The following TBXAS1 variants were observed in gnomAD, a reference collection of about 807,000 sequenced individuals.
The protein encoded by TBXAS1 is thromboxane A synthase 1, also known as thromboxane-A synthase.
Under a neutral mutation model 60.7 loss-of-function variants are expected in TBXAS1, and 48 were observed. The ratio of observed to expected loss-of-function variants is 0.79; its 90% CI spans 0.63 to 1.01. TBXAS1 has a LOEUF of 1.01. Ranked by LOEUF, TBXAS1 falls within the 50% of genes least tolerant of loss-of-function variation. TBXAS1 has a pLI of 0.00. For missense variants in TBXAS1, 685 were observed against 686.3 expected (o/e 1.00, Z 0.02); for synonymous variants, 287 against 269.7 (o/e 1.06, Z -0.63).
At chr7:139,834,026 T>C (rs1184900737) in intron 1 of TBXAS1, among the ~76,000 whole-genome samples, 2 of 152,198 alleles carry the variant, frequency 1.3e-5, no homozygotes, top group South Asian at 2.1e-4. Flanking sequence ...CAACATCATA[T>C]GGAACTTTCT....
intron 4 of TBXAS1, among the ~76,000 whole-genome samples, chr7:139,823,990 C>T (rs558713903): frequency 1.3e-5 from 2 of 152,338 alleles, no homozygotes; most frequent in East Asian, 3.9e-4. Context: ...GCCTCTGCCT[C>T]AGTCCTTGCC....
chr7:140,009,450 G>A (rs73734175), intron 10 of TBXAS1, among the ~76,000 whole-genome samples: 13,433 of 152,118 alleles, frequency 0.088, 1,014 homozygotes, highest in African/African-American at 0.21. Flanking sequence ...TGTAGTGCCC[G>A]CTCAGCTGCC....
At chr7:139,829,864 G>A (rs1195843413) in intron 1 of TBXAS1, among the ~76,000 whole-genome samples, 1 of 152,122 alleles carries the variant, frequency 6.6e-6, no homozygotes, top group Non-Finnish European at 1.5e-5. Flanking sequence ...TCAGCCTCTT[G>A]GTTCATATTA....
rs998183461 is a variant in TBXAS1, at chr7:139,861,418, A to G, written c.90-10817A>G. Among the ~76,000 whole-genome samples the G allele has an allele frequency of 2.7e-4, 34 of 125,744 alleles. 1 individual carries two copies. The highest frequency in any genetic ancestry group is 4.6e-4 in the Non-Finnish European group (28 of 60,914). The allele number at this position is 125,744 out of a possible 152,430, so 82.5% of individuals were successfully genotyped here. Reference sequence around the variant, plus strand: ...CTGGCTAATTTTTTTTTCTTTTTAGAATTTTTTTTTTTTTTTTTTGGATCT... The same window carrying G: ...CTGGCTAATTTTTTTTTCTTTTTAGGATTTTTTTTTTTTTTTTTTGGATCT... On this transcript the variant is annotated intron_variant, in intron 1 of 12. Coordinates refer to ENST00000448866, the MANE Select transcript of TBXAS1 (RefSeq NM_001061.7).
chr7:139,911,348 A>G, intron 4 of TBXAS1, 27 bp downstream of exon 4: 1 of 1,567,328 alleles, frequency 6.4e-7, no homozygotes, highest in Non-Finnish European at 8.8e-7. Context: ...CCGCATATAG[A>G]TGGATGGGGA....
intron 6 of TBXAS1, among the ~76,000 whole-genome samples, chr7:139,954,800 G>T (rs982231114): frequency 3.9e-5 from 6 of 152,226 alleles, no homozygotes; most frequent in Admixed American, 3.9e-4. Flanking sequence ...CCTTCTGTTT[G>T]TTTCTAAAGC....
intron 4 of TBXAS1, among the ~76,000 whole-genome samples, chr7:139,809,237 A>AGAT (rs1431210742): frequency 2.4e-3 from 95 of 38,896 alleles, no homozygotes; most frequent in South Asian, 0.013. Flanking sequence ...GATAGATGAT[A>AGAT]GATAGATAGA....
intron 1 of TBXAS1, among the ~76,000 whole-genome samples, chr7:139,847,943 T>C (rs914274623): frequency 2.0e-5 from 3 of 152,146 alleles, no homozygotes; most frequent in Admixed American, 1.3e-4. Flanking sequence ...CACCTCAGCC[T>C]CTCAAGTAGC....
At chr7:139,824,425 AG>A (rs1798383159), upstream of TBXAS1, among the ~76,000 whole-genome samples, 1 of 152,220 alleles carries the variant, frequency 6.6e-6, no homozygotes, top group South Asian at 2.1e-4. Flanking sequence ...GCCTCATGCA[AG>A]GGCACAATAA....
chr7:139,875,304 T>C (rs1397021709), intron 2 of TBXAS1, among the ~76,000 whole-genome samples: 1 of 152,240 alleles, frequency 6.6e-6, no homozygotes, highest in African/African-American at 2.4e-5. Context: ...AGGGCAATGT[T>C]ATAGTTGAGA....
intron 4 of TBXAS1, among the ~76,000 whole-genome samples, chr7:139,927,485 A>G (rs1478711999): frequency 1.3e-5 from 2 of 152,126 alleles, no homozygotes; most frequent in Non-Finnish European, 1.5e-5. Flanking sequence ...TGTACTGTCT[A>G]TATCTTGAAA....
intron 5 of TBXAS1, among the ~76,000 whole-genome samples, chr7:139,952,118 T>C (rs570799680): frequency 2.0e-5 from 3 of 152,218 alleles, no homozygotes; most frequent in South Asian, 2.1e-4. Flanking sequence ...TGCACTGTCA[T>C]GAAGAAGAGA....
At chr7:139,879,052 A>G (rs1802477967) in intron 3 of TBXAS1, among the ~76,000 whole-genome samples, 1 of 152,214 alleles carries the variant, frequency 6.6e-6, no homozygotes, top group South Asian at 2.1e-4. Context: ...GCAATTCAAG[A>G]GTTTGAGGCT....
chr7:139,796,645 A>C lies in TBXAS1; in HGVS notation c.-80+9219A>C, dbSNP rs75927007. 7.1e-3 allele frequency among the ~76,000 whole-genome samples: 1,076 copies of C among 152,366 alleles called. 20 individuals carry two copies. The highest frequency in any genetic ancestry group is 0.011 in the Admixed American group (161 of 15,296). On this transcript the variant is annotated intron_variant, in intron 4 of 16. Transcript: ENST00000336425. ...TGATGTAAACTATGGTCTTGAGTTA[A>C]TGATAACATATCAATATTGGCTCAT... is the stretch of plus-strand genomic sequence containing the variant.
intron 3 of TBXAS1, among the ~76,000 whole-genome samples, chr7:139,897,262 T>C (rs1017000284): frequency 6.9e-6 from 1 of 145,900 alleles, no homozygotes; most frequent in Non-Finnish European, 1.5e-5. Flanking sequence ...GGGAACAGCA[T>C]GTGCAAAGGC....
chr7:139,930,793 C>T (rs563798364), intron 4 of TBXAS1, among the ~76,000 whole-genome samples: 202 of 152,198 alleles, frequency 1.3e-3, no homozygotes, highest in African/African-American at 4.7e-3. Context: ...GGGTGGAGTA[C>T]GGATGGGTGT....
chr7:139,792,128 A>T (rs1024837985), intron 4 of TBXAS1, among the ~76,000 whole-genome samples: 5 of 152,238 alleles, frequency 3.3e-5, no homozygotes, highest in African/African-American at 1.2e-4. Context: ...TATCATGCAC[A>T]TAAGTGCCCT....
At chr7:139,865,328 T>C (rs1269011702) in intron 1 of TBXAS1, among the ~76,000 whole-genome samples, 2 of 152,014 alleles carry the variant, frequency 1.3e-5, no homozygotes, top group African/African-American at 4.8e-5. Context: ...GGGTGAGAAA[T>C]GGGACAAGGA....
chr7:139,878,230 GA>G (rs1303995946), intron 3 of TBXAS1, among the ~76,000 whole-genome samples: 5 of 150,320 alleles, frequency 3.3e-5, no homozygotes, highest in Admixed American at 6.6e-5. Flanking sequence ...AGAGATAGAA[GA>G]GGGGGAGAGA....
Sources: allele counts gnomAD v4.1 joint callset (sites outside exome capture counted in the v4.1 genomes callset), GRCh38; gene constraint gnomAD v4.1.1; transcripts MANE v1.5; gene names NCBI Gene and HGNC (gene_info 2026-07-23, HGNC 2026-07-21).